The following TBX1 variants were observed in gnomAD, a reference collection of about 807,000 sequenced individuals.
TBX1 encodes T-box transcription factor TBX1.
TBX1 carries 16 observed loss-of-function variants against 40.8 expected under a neutral mutation model. That is an observed-to-expected ratio of 0.39 (90% CI 0.27 to 0.60). TBX1 has a LOEUF of 0.60. Among genes scored for constraint, TBX1 ranks in the 20% least tolerant of loss-of-function variants. The pLI is 0.51. For missense variants in TBX1, 755 were observed against 728.5 expected (o/e 1.04, Z -0.42); for synonymous variants, 403 against 336.8 (o/e 1.20, Z -2.15).
chr22:19,770,411 C>T (rs528349325), downstream of TBX1, among the ~76,000 whole-genome samples: 1 of 152,218 alleles, frequency 6.6e-6, no homozygotes, highest in African/African-American at 2.4e-5. Flanking sequence ...AAGACCCCCC[C>T]ACGGCTGCCC....
upstream of TBX1, among the ~76,000 whole-genome samples, chr22:19,756,931 AGCGCGGCGGG>A (rs1936499713): frequency 7.3e-6 from 1 of 136,772 alleles, no homozygotes; most frequent in South Asian, 2.5e-4. Context: ...GGGGCGGCGG[AGCGCGGCGGG>A]GCGGTGCCCT....
At chr22:19,756,926 G>C (rs1387824030), upstream of TBX1, among the ~76,000 whole-genome samples, 1 of 151,788 alleles carries the variant, frequency 6.6e-6, no homozygotes, top group Non-Finnish European at 1.5e-5. Flanking sequence ...GTGGCGGGGC[G>C]GCGGAGCGCG....
downstream of TBX1, among the ~76,000 whole-genome samples, chr22:19,782,499 G>A (rs1937151747): frequency 6.6e-6 from 1 of 152,162 alleles, no homozygotes; most frequent in Non-Finnish European, 1.5e-5. Flanking sequence ...TGACACTTTA[G>A]CATCTCTTCC....
Position 19,761,193 on chromosome 22 carries a change from C to T in TBX1, c.350C>T (p.Ala117Val). The T allele has an allele frequency of 6.4e-7, 1 of 1,550,700 alleles. No homozygotes were observed. Residue 117 changes from alanine to valine, a missense_variant, in exon 1 of 7, where the codon GCC (alanine) becomes GTC (valine). By Grantham distance (64) the Ala-to-Val change is moderately conservative. This residue lies in a region of TBX1 where 199 missense variants were observed against 173.0 expected (regional missense o/e 1.15). Transcript: ENST00000649276. Reference sequence around the variant, plus strand: ...CCGGTGAAGAAGAACGCGAAGGTGGCCGGTGTGAGCGTGCAGCTAGAGATG... The same window carrying T: ...CCGGTGAAGAAGAACGCGAAGGTGGTCGGTGTGAGCGTGCAGCTAGAGATG... ...KAPVKKNAKV[A>V]GVSVQLEMKA...
chr22:19,762,488 G>A (rs1297041750), intron 1 of TBX1, among the ~76,000 whole-genome samples: 9 of 152,232 alleles, frequency 5.9e-5, no homozygotes, highest in Non-Finnish European at 1.2e-4. Flanking sequence ...GCCTACACCC[G>A]TCCAGGCACT....
downstream of TBX1, among the ~76,000 whole-genome samples, chr22:19,767,918 T>C (rs145067529): frequency 1.3e-5 from 2 of 152,350 alleles, no homozygotes; most frequent in African/African-American, 4.8e-5. Flanking sequence ...CTTTATTTGC[T>C]GTGAGTGTCC....
chr22:19,765,634 G>T, intron 4 of TBX1, 124 bp from the exon 5 acceptor site: 8 of 1,085,142 alleles, frequency 7.4e-6, no homozygotes, highest in Non-Finnish European at 9.4e-6. Flanking sequence ...ACGTGGACTG[G>T]TTCTTGTCAG....
intron 4 of TBX1, among the ~76,000 whole-genome samples, chr22:19,765,395 G>T (rs1308878367): frequency 1.3e-5 from 2 of 152,160 alleles, no homozygotes; most frequent in African/African-American, 4.8e-5. Flanking sequence ...CCCATCAGGG[G>T]CCTGATCTGA....
At chr22:19,760,751 C>T (rs1326476090), upstream of TBX1, among the ~76,000 whole-genome samples, 3 of 87,282 alleles carry the variant, frequency 3.4e-5, no homozygotes, top group South Asian at 3.9e-4. Flanking sequence ...CTGCACGGCC[C>T]GGGGCGCACG....
At chr22:19,780,666 T>C (rs953923503), downstream of TBX1, among the ~76,000 whole-genome samples, 2 of 152,190 alleles carry the variant, frequency 1.3e-5, no homozygotes, top group Admixed American at 6.6e-5. Context: ...GGTAATTCTA[T>C]GTCCAGGATT....
downstream of TBX1, among the ~76,000 whole-genome samples, chr22:19,769,580 C>T (rs896153345): frequency 4.6e-5 from 7 of 152,242 alleles, no homozygotes; most frequent in Non-Finnish European, 8.8e-5. Flanking sequence ...AACCAGTGCC[C>T]AGTGATTGCC....
At chr22:19,758,518 G>A (rs1052350371), upstream of TBX1, among the ~76,000 whole-genome samples, 2 of 152,206 alleles carry the variant, frequency 1.3e-5, no homozygotes, top group Non-Finnish European at 2.9e-5. Flanking sequence ...GCGGGCCTCG[G>A]CCTCACTCTG....
Position 19,766,952 on chromosome 22 carries a change from G to A in TBX1, c.*85G>A. The A allele has an allele frequency of 6.5e-7, 1 of 1,530,524 alleles. No individual in the cohort carries two copies. Among genetic ancestry groups the A allele is most frequent in the Non-Finnish European group, 8.7e-7 (1 of 1,148,300 alleles). The allele number at this position is 1,530,524 out of a possible 1,614,324, so 94.8% of individuals were successfully genotyped here. A position where few individuals can be genotyped will look rare whatever the true frequency, so the allele number is the denominator to read the frequency against. On this transcript the variant is annotated 3_prime_UTR_variant, in exon 7 of 7. Transcript: ENST00000649276. The stretch of plus-strand genomic sequence containing the variant: ...GCCACCCTGCCCCAAGGGCAAGCAA[G>A]GAATACGTTCCCCCAGCCCCAGGGG...
Position 19,761,149 on chromosome 22 carries a change from C to A in TBX1, c.306C>A (p.Cys102Ter). 1 of 1,487,330 alleles carries A rather than the reference C, an allele frequency of 6.7e-7. No individual in the cohort carries two copies. The highest frequency in any genetic ancestry group is 9.0e-7 in the Non-Finnish European group (1 of 1,112,560). 92.1% of individuals were successfully genotyped at this position (1,487,330 alleles called of 1,614,324 possible). The change falls in exon 1 of 7, where the codon TGC (cysteine) becomes TGA (stop). Residue 102 changes from cysteine to a stop codon, truncating the protein, a stop_gained. Transcript: ENST00000649276. LOFTEE classifies it high-confidence loss of function. ...AAEPEGPGAS[C>*]AAAAKAPVKK... ...AGCCCGAGGGCCCCGGGGCCAGCTG[C>A]GCGGCCGCAGCCAAGGCGCCGGTGA...
In TBX1 at chr22:19,767,287, G is replaced by A. The variant is rs1304969459; in HGVS notation, c.*420G>A. 1 of 996,922 alleles carries A rather than the reference G, an allele frequency of 1.0e-6. No individual in the cohort carries two copies. Among genetic ancestry groups the A allele is most frequent in the Non-Finnish European group, 1.2e-6 (1 of 837,760 alleles). The allele number at this position is 996,922 out of a possible 1,614,324, so 61.8% of individuals were successfully genotyped here. A position where few individuals can be genotyped will look rare whatever the true frequency, so the allele number is the denominator to read the frequency against. ...ACATGTAGATACTGTAGATACTGTA[G>A]ATACCGCCCCGGCGCCGACTTGATA... On this transcript the variant is annotated 3_prime_UTR_variant, in exon 7 of 7. Transcript: ENST00000649276.
At chr22:19,763,379 G>A (rs1260873141) in intron 2 of TBX1, 37 bp downstream of exon 2, 2 of 1,603,060 alleles carry the variant, frequency 1.2e-6, no homozygotes, top group South Asian at 2.2e-5. Context: ...GACCGGGAGG[G>A]CACCCTGGAA....
intron 2 of TBX1, 49 bp from the exon 3 acceptor site, chr22:19,764,106 C>A: frequency 6.2e-7 from 1 of 1,606,142 alleles, no homozygotes; most frequent in Non-Finnish European, 8.5e-7. Context: ...CGGGTCAAGG[C>A]CCTCTGGGTT....
In TBX1 at chr22:19,766,187, G is replaced by A. The variant is rs900802937; in HGVS notation, c.1036+185G>A. 3.3e-4 allele frequency: 278 copies of A among 836,956 alleles called. 6 individuals carry two copies. The African/African-American group carries it at 4.8e-3, about 15-fold the overall frequency. 51.8% of individuals were successfully genotyped at this position (836,956 alleles called of 1,614,324 possible). On this transcript the variant is annotated intron_variant, in intron 6 of 6. Coordinates refer to ENST00000649276, the MANE Select transcript of TBX1 (RefSeq NM_001379200.1). ...GCCCGACGGCTGCGCCCCGCCCGCCGCCGCCGCCGCCCGCAGAGGGGCGCG... is the reference window on the plus strand; with the variant it reads ...GCCCGACGGCTGCGCCCCGCCCGCCACCGCCGCCGCCCGCAGAGGGGCGCG...
At chr22:19,767,940 C>T (rs1006961401), downstream of TBX1, among the ~76,000 whole-genome samples, 1 of 152,234 alleles carries the variant, frequency 6.6e-6, no homozygotes, top group Admixed American at 6.5e-5. Flanking sequence ...TACGGAGTGA[C>T]CTGGCCAGGG....
Sources: gnomAD v4.1 joint callset for allele counts (sites outside exome capture counted in the v4.1 genomes callset) on GRCh38, gnomAD v4.1.1 for gene constraint, gnomAD v4.1.1 regional missense constraint, MANE v1.5 for transcripts, NCBI Gene and HGNC (gene_info 2026-07-23, HGNC 2026-07-21) for gene names.